The following ALK variants were observed in gnomAD, a reference collection of about 807,000 sequenced individuals.
ALK encodes ALK tyrosine kinase receptor.
Under a neutral mutation model 163.1 loss-of-function variants are expected in ALK, and 74 were observed. The observed-to-expected ratio is 0.45, with a 90% confidence interval of 0.38 to 0.55. The LOEUF is 0.55. Ranked by LOEUF, ALK falls within the 20% of genes least tolerant of loss-of-function variation. The probability of loss-of-function intolerance (pLI) is 0.00; values close to 1 mark genes in which losing one functional copy is unlikely to be tolerated. For missense variants in ALK, 2,063 were observed against 2,105.3 expected (o/e 0.98, Z 0.39); for synonymous variants, 960 against 843.2 (o/e 1.14, Z -2.40).
intron 5 of ALK, among the ~76,000 whole-genome samples, chr2:29,357,484 G>A (rs969312006): frequency 1.3e-5 from 2 of 152,196 alleles, no homozygotes; most frequent in Non-Finnish European, 2.9e-5. Flanking sequence ...TTCTAGAAAG[G>A]CCAGTTATAT....
intron 4 of ALK, among the ~76,000 whole-genome samples, chr2:29,388,149 T>G (rs535220612): frequency 1.1e-3 from 174 of 152,342 alleles, no homozygotes; most frequent in Non-Finnish European, 2.1e-3. Context: ...TAGCTCTATA[T>G]GTTTAAAGAA....
chr2:29,676,312 T>G (rs1238404282), intron 3 of ALK, among the ~76,000 whole-genome samples: 1 of 152,088 alleles, frequency 6.6e-6, no homozygotes, highest in Non-Finnish European at 1.5e-5. Context: ...TTCATTTTCT[T>G]GGGTAGAAAC....
chr2:29,384,254 T>C (rs1205931450), intron 4 of ALK, among the ~76,000 whole-genome samples: 3 of 152,326 alleles, frequency 2.0e-5, no homozygotes, highest in South Asian at 4.1e-4. Context: ...CTATTCAAAA[T>C]TATCTCTAGA....
chr2:29,845,761 C>A (rs1335758174), intron 1 of ALK, among the ~76,000 whole-genome samples: 1 of 152,146 alleles, frequency 6.6e-6, no homozygotes, highest in Non-Finnish European at 1.5e-5. Context: ...AGAATAAAAT[C>A]TAGTTTACCA....
chr2:29,900,995 GAGCAAGCAAGCAAGCAAGCA>G (rs58490938), intron 1 of ALK, among the ~76,000 whole-genome samples: 2 of 148,600 alleles, frequency 1.3e-5, no homozygotes, highest in East Asian at 2.0e-4. Flanking sequence ...GAGAGAGAGA[GAGCAAGCAAGCAAGCAAGCA>G]AGCAAGCAAG....
intron 1 of ALK, among the ~76,000 whole-genome samples, chr2:29,739,240 TAAA>T (rs57381961): frequency 0.019 from 772 of 40,302 alleles, 3 homozygotes; most frequent in African/African-American, 0.063. Context: ...CAGTCTCTCT[TAAA>T]AAAAAAAAAA....
chr2:29,463,100 A>C (rs139345588), intron 4 of ALK, among the ~76,000 whole-genome samples: 18 of 152,204 alleles, frequency 1.2e-4, no homozygotes, highest in Non-Finnish European at 2.2e-4. Flanking sequence ...AATCCGACCT[A>C]AGACTAACAT....
intron 1 of ALK, among the ~76,000 whole-genome samples, chr2:29,875,499 G>T (rs1666680899): frequency 6.6e-6 from 1 of 152,092 alleles, no homozygotes; most frequent in South Asian, 2.1e-4. Context: ...CTGTGCCACG[G>T]TGGTTTGCTG....
At chr2:29,382,266 T>C (rs1302272952) in intron 5 of ALK, among the ~76,000 whole-genome samples, 2 of 152,146 alleles carry the variant, frequency 1.3e-5, no homozygotes, top group African/African-American at 2.4e-5. Context: ...GTCAACTCTA[T>C]TGGTTTTGTA....
chr2:29,256,811 A>G (rs951059215), intron 11 of ALK, among the ~76,000 whole-genome samples: 5 of 152,158 alleles, frequency 3.3e-5, no homozygotes, highest in African/African-American at 9.6e-5. Flanking sequence ...CTAGTGGAGC[A>G]TGGGCTGTGC....
chr2:29,787,592 A>T (rs1424893538), intron 1 of ALK, among the ~76,000 whole-genome samples: 1 of 152,134 alleles, frequency 6.6e-6, no homozygotes, highest in Non-Finnish European at 1.5e-5. Flanking sequence ...AAGGCTTTAC[A>T]AGGGAGCTGA....
At chr2:29,705,267 A>ATG (rs1397861643) in intron 2 of ALK, among the ~76,000 whole-genome samples, 2 of 55,182 alleles carry the variant, frequency 3.6e-5, no homozygotes, top group South Asian at 1.2e-3. Flanking sequence ...ATATATATAT[A>ATG]TATATATATA....
At chr2:29,220,311 C>T (rs1421425741) in intron 23 of ALK, among the ~76,000 whole-genome samples, 1 of 152,118 alleles carries the variant, frequency 6.6e-6, no homozygotes, top group African/African-American at 2.4e-5. Context: ...GTAAGACGTG[C>T]CTCCTTCCCC....
intron 5 of ALK, among the ~76,000 whole-genome samples, chr2:29,338,985 G>C (rs1239918321): frequency 6.6e-6 from 1 of 152,240 alleles, no homozygotes; most frequent in Non-Finnish European, 1.5e-5. Context: ...TCTCACACCT[G>C]TAATCCCAGC....
chr2:29,484,582 C>T (rs1671737016), intron 4 of ALK, among the ~76,000 whole-genome samples: 1 of 152,068 alleles, frequency 6.6e-6, no homozygotes, highest in Non-Finnish European at 1.5e-5. Flanking sequence ...GTAATCAATG[C>T]TTAATTGTAA....
intron 2 of ALK, 111 bp downstream of exon 2, chr2:29,717,467 G>C: frequency 7.6e-7 from 1 of 1,314,006 alleles, no homozygotes; most frequent in Non-Finnish European, 1.1e-6. Flanking sequence ...TTTGCATATA[G>C]GGAGCTGAGG....
intron 4 of ALK, among the ~76,000 whole-genome samples, chr2:29,510,062 G>C (rs891024329): frequency 6.6e-6 from 1 of 152,184 alleles, no homozygotes; most frequent in South Asian, 2.1e-4. Context: ...GTGGCCAGTG[G>C]AGGTGGCCAC....
At chr2:29,642,898 C>T (rs532649568) in intron 3 of ALK, among the ~76,000 whole-genome samples, 17 of 152,178 alleles carry the variant, frequency 1.1e-4, no homozygotes, top group Non-Finnish European at 5.9e-5. Flanking sequence ...ATTTATTCCA[C>T]CAACTTTTAT....
At chr2:29,395,786 A>G (rs1441754903) in intron 4 of ALK, among the ~76,000 whole-genome samples, 1 of 152,218 alleles carries the variant, frequency 6.6e-6, no homozygotes, top group Non-Finnish European at 1.5e-5. Flanking sequence ...GCTAGACAAG[A>G]GACCAAGAAG....
Sources: gnomAD v4.1 joint callset for allele counts (sites outside exome capture counted in the v4.1 genomes callset) on GRCh38, gnomAD v4.1.1 for gene constraint, MANE v1.5 for transcripts, NCBI Gene and HGNC (gene_info 2026-07-23, HGNC 2026-07-21) for gene names.